The following ERC1 variants were observed in gnomAD, a reference collection of about 807,000 sequenced individuals.
The protein encoded by ERC1 is ELKS/RAB6-interacting/CAST family member 1.
In ERC1, 56 loss-of-function variants were observed where a neutral mutation model predicts 132.0. The ratio of observed to expected loss-of-function variants is 0.42; its 90% CI spans 0.34 to 0.53. ERC1 has a LOEUF of 0.53. ERC1 is among the 20% of genes least tolerant of loss of function. ERC1 has a pLI of 0.03. For missense variants in ERC1, 1,202 were observed against 1,349.9 expected, an observed-to-expected ratio of 0.89 and a Z score of 1.72; for synonymous variants, 478 against 476.1, an observed-to-expected ratio of 1.00 and a Z score of -0.05.
intron 3 of ERC1, among the ~76,000 whole-genome samples, chr12:1,104,356 G>A (rs1352418331): frequency 6.6e-6 from 1 of 152,022 alleles, no homozygotes; most frequent in African/African-American, 2.4e-5. Flanking sequence ...TGATTGTGAT[G>A]GTATTTATTT....
chr12:992,080 G>C (rs1218333614), intron 1 of ERC1, among the ~76,000 whole-genome samples: 2 of 152,104 alleles, frequency 1.3e-5, no homozygotes, highest in African/African-American at 4.8e-5. Flanking sequence ...AGAAGAGGGA[G>C]ATCTTCGGTT....
chr12:1,433,885 C>T (rs540264318), intron 17 of ERC1, among the ~76,000 whole-genome samples: 30 of 146,472 alleles, frequency 2.0e-4, no homozygotes, highest in African/African-American at 7.6e-4. Context: ...TCTGTGCTAT[C>T]AAAAGTATAC....
intron 7 of ERC1, among the ~76,000 whole-genome samples, chr12:1,125,875 T>C (rs1420418608): frequency 2.6e-5 from 4 of 152,200 alleles, no homozygotes; most frequent in Admixed American, 2.6e-4. Flanking sequence ...TATTTTAAAT[T>C]TTGTAAGGAG....
chr12:1,028,184 C>T lies in ERC1; in HGVS notation c.281C>T (p.Ser94Phe). The change falls in exon 2 of 19, where the codon TCT becomes TTT. Residue 94 changes from serine to phenylalanine, a missense_variant. Coordinates refer to ENST00000360905, the MANE Select transcript of ERC1 (RefSeq NM_178040.4). ...TPKSTMTLGR[S>F]GGRLPYGVRM... ...AAAAGCACCATGACACTTGGCCGTT[C>T]TGGGGGACGTCTGCCTTACGGTGTT... The T allele has an allele frequency of 6.2e-7, 1 of 1,614,170 alleles. No individual in the cohort carries two copies. Among genetic ancestry groups the T allele is most frequent in the Non-Finnish European group, 8.5e-7 (1 of 1,180,032 alleles).
chr12:1,419,056 C>T (rs962196612), intron 17 of ERC1, among the ~76,000 whole-genome samples: 2 of 151,992 alleles, frequency 1.3e-5, no homozygotes, highest in Non-Finnish European at 2.9e-5. Context: ...ATAAAACTTA[C>T]AGTAAATAAA....
intron 7 of ERC1, among the ~76,000 whole-genome samples, chr12:1,136,361 A>G (rs1043209362): frequency 6.6e-6 from 1 of 152,142 alleles, no homozygotes; most frequent in East Asian, 1.9e-4. Flanking sequence ...TCATCTTTAC[A>G]TGCTTTGAGG....
At chr12:1,290,358 A>G (rs1034771979) in intron 15 of ERC1, among the ~76,000 whole-genome samples, 1 of 152,172 alleles carries the variant, frequency 6.6e-6, no homozygotes, top group Admixed American at 6.5e-5. Context: ...AGACTAGGCA[A>G]TTTTTAAACA....
At chr12:1,131,408 T>G (rs1948746282) in intron 7 of ERC1, among the ~76,000 whole-genome samples, 1 of 152,194 alleles carries the variant, frequency 6.6e-6, no homozygotes, top group Non-Finnish European at 1.5e-5. Context: ...AATTTGCCTT[T>G]AGATAGATCT....
rs1953709406 is a variant in ERC1 at position 1,176,302 on chromosome 12, A to C, written c.1738-4238A>C. Among the ~76,000 whole-genome samples the C allele has an allele frequency of 2.0e-5, 3 of 152,218 alleles. No individual in the cohort carries two copies. The South Asian group carries it at 6.2e-4, about 32-fold the overall frequency. ...CCAGATGCATTGTCAGTGAGCAGTA[A>C]TATTTTGAAAGGAATCTTTTTTTCT... is the stretch of plus-strand genomic sequence containing the variant. On this transcript the variant is annotated intron_variant, in intron 8 of 18. Transcript: ENST00000360905.
intron 8 of ERC1, among the ~76,000 whole-genome samples, chr12:1,174,212 C>T (rs919195214): frequency 2.6e-5 from 4 of 152,246 alleles, no homozygotes; most frequent in Non-Finnish European, 5.9e-5. Flanking sequence ...TCAGTGCTTA[C>T]ACAGCTGGTT....
At chr12:1,462,819 C>A (rs569268839) in intron 18 of ERC1, among the ~76,000 whole-genome samples, 7 of 152,004 alleles carry the variant, frequency 4.6e-5, no homozygotes, top group Non-Finnish European at 1.0e-4. Context: ...TATATGGCAA[C>A]GTTTAAAAAA....
At chr12:1,418,087 A>G (rs1169881030) in intron 17 of ERC1, among the ~76,000 whole-genome samples, 1 of 152,242 alleles carries the variant, frequency 6.6e-6, no homozygotes, top group Non-Finnish European at 1.5e-5. Context: ...GAAGCCAGAT[A>G]TGTCTAATTA....
At chr12:1,415,935 T>C (rs1395016620) in intron 17 of ERC1, among the ~76,000 whole-genome samples, 1 of 152,206 alleles carries the variant, frequency 6.6e-6, no homozygotes, top group African/African-American at 2.4e-5. Flanking sequence ...CTTTCATGTA[T>C]CTTATCTCAT....
At chr12:1,428,540 C>A (rs2092703874) in intron 17 of ERC1, among the ~76,000 whole-genome samples, 1 of 152,100 alleles carries the variant, frequency 6.6e-6, no homozygotes, top group Non-Finnish European at 1.5e-5. Flanking sequence ...CCTCAGTTAG[C>A]CTACGACTTG....
intron 17 of ERC1, among the ~76,000 whole-genome samples, chr12:1,420,396 T>G (rs1191158342): frequency 6.6e-6 from 1 of 152,108 alleles, no homozygotes; most frequent in African/African-American, 2.4e-5. Context: ...ATGAGATTTT[T>G]CCTTTAAAAA....
chr12:1,250,790 G>A (rs1376245772), intron 13 of ERC1, among the ~76,000 whole-genome samples: 2 of 152,156 alleles, frequency 1.3e-5, no homozygotes, highest in Non-Finnish European at 2.9e-5. Context: ...AGAGTGGACT[G>A]AAAGGAGGCT....
In ERC1 at chr12:1,454,604, G is replaced by A. The variant is rs185315514; in HGVS notation, c.3213+9854G>A. The stretch of plus-strand genomic sequence containing the variant: ...GAATCTGGGTCAGGAGAGTTGTGCC[G>A]ACTCTGTGAGATTAGGAAAAACACT... On this transcript the variant is annotated intron_variant, in intron 18 of 18. Transcript: ENST00000360905. Among the ~76,000 whole-genome samples, 3 of 152,256 alleles carry A rather than the reference G, an allele frequency of 2.0e-5. No individual in the cohort carries two copies. In the East Asian group the frequency reaches 5.8e-4, roughly 29 times the overall value.
chr12:1,127,687 A>G (rs1316707924), intron 7 of ERC1, among the ~76,000 whole-genome samples: 1 of 152,226 alleles, frequency 6.6e-6, no homozygotes, highest in Non-Finnish European at 1.5e-5. Flanking sequence ...AATTGAAAAC[A>G]TGTATGAATA....
In ERC1 at chr12:1,214,661, TACATACAC is replaced by T. The variant is rs1373251112; in HGVS notation, c.2352-22104_2352-22097del. ...TAAAACATAAATATGCGTGTGTGTATACATACACACACACACACACACACACACACACA... is the reference window on the plus strand; with the variant it reads ...TAAAACATAAATATGCGTGTGTGTATACACACACACACACACACACACACA... On this transcript the variant is annotated intron_variant, in intron 12 of 18. Coordinates refer to ENST00000360905, the MANE Select transcript of ERC1 (RefSeq NM_178040.4). Among the ~76,000 whole-genome samples the T allele has an allele frequency of 5.6e-3, 664 of 118,072 alleles. 6 individuals carry two copies. Among genetic ancestry groups the T allele is most frequent in the African/African-American group, 0.03 (585 of 19,396 alleles). 77.5% of individuals were successfully genotyped at this position (118,072 alleles called of 152,430 possible).
Sources: gnomAD v4.1 joint callset for allele counts (sites outside exome capture counted in the v4.1 genomes callset) on GRCh38, gnomAD v4.1.1 for gene constraint, MANE v1.5 for transcripts, NCBI Gene and HGNC (gene_info 2026-07-23, HGNC 2026-07-21) for gene names.